The following MAD2L2 variants were observed in gnomAD, a reference collection of about 807,000 sequenced individuals.
The protein encoded by MAD2L2 is mitotic spindle assembly checkpoint protein MAD2B.
A neutral mutation model predicts 30.5 loss-of-function variants in MAD2L2; 17 were observed. That is an observed-to-expected ratio of 0.56 (90% CI 0.38 to 0.84). The LOEUF (loss-of-function observed/expected upper bound fraction) is 0.84, where lower values mean the gene tolerates loss of function less well. Ranked by LOEUF, MAD2L2 falls within the 40% of genes least tolerant of loss-of-function variation. The pLI, the probability that MAD2L2 is intolerant of heterozygous loss-of-function variation, is 0.00. For synonymous variants in MAD2L2, 101 were observed against 113.9 expected (o/e 0.89, Z 0.72); for missense variants, 213 against 277.4 (o/e 0.77, Z 1.65).
intron 7 of MAD2L2, 145 bp from the exon 8 acceptor site, chr1:11,675,319 C>T (rs993302526): frequency 6.5e-6 from 4 of 614,942 alleles, no homozygotes; most frequent in African/African-American, 3.7e-5. Context: ...ACCCCAGGAC[C>T]GCCCCCATCC....
chr1:11,689,499 G>A (rs1190167781), intron 1 of MAD2L2, among the ~76,000 whole-genome samples: 1 of 152,122 alleles, frequency 6.6e-6, no homozygotes, highest in Non-Finnish European at 1.5e-5. Flanking sequence ...GGGAGGCTGA[G>A]GCAGGAGAAT....
rs1270563871 is a variant in MAD2L2 at position 11,676,154 on chromosome 1, G to A, written c.333-14C>T. 1 of 1,564,444 alleles carries A rather than the reference G, an allele frequency of 6.4e-7. No individual in the cohort carries two copies. The highest frequency in any genetic ancestry group is 1.4e-5 in the African/African-American group (1 of 74,060). ...AGCGAGTCTGAGCTGGGAGTGAGAGGAGGTCTTCCCATCACACTGGCGCCC... is the reference window on the plus strand; with the variant it reads ...AGCGAGTCTGAGCTGGGAGTGAGAGAAGGTCTTCCCATCACACTGGCGCCC... On this transcript the variant is annotated splice_polypyrimidine_tract_variant and intron_variant, in intron 5 of 8. Transcript: ENST00000376692.
At position 11,674,930 on chromosome 1, in the gene MAD2L2, T is replaced by C; in HGVS notation, c.595-114A>G. ...CACCACAGGTGGGGCCTCGTGGCCA[T>C]AGCCATGGTGGAGAAGAGTAGAGAT... On this transcript the variant is annotated intron_variant, in intron 8 of 8. Coordinates refer to ENST00000376692, the MANE Select transcript of MAD2L2 (RefSeq NM_006341.4). This position sits in a 1 kb window ranked among gnomAD's most constrained non-coding sequence, Gnocchi z 6.1. 2.2e-6 allele frequency: 3 copies of C among 1,382,394 alleles called. No homozygotes were observed. Among genetic ancestry groups the C allele is most frequent in the African/African-American group, 1.4e-5 (1 of 70,414 alleles). 85.6% of individuals were successfully genotyped at this position (1,382,394 alleles called of 1,614,324 possible). A position where few individuals can be genotyped will look rare whatever the true frequency, so the allele number is the denominator to read the frequency against.
At position 11,689,227 on chromosome 1, in the gene MAD2L2, A is replaced by G. The variant is rs1437636270; in HGVS notation, c.-692+2186T>C. On this transcript the variant is annotated intron_variant, in intron 1 of 10. Transcript: ENST00000235310. ...CATGAATCGCTTGAACCTGGGAGGC[A>G]GAAGTTGCAGTGAGCCGAGACTGTG... Among the ~76,000 whole-genome samples, 18 of 147,896 alleles carry G rather than the reference A, an allele frequency of 1.2e-4. No homozygotes were observed. The Admixed American group carries it at 1.2e-3, about 10-fold the overall frequency.
At chr1:11,691,400 G>T (rs898147193) in intron 1 of MAD2L2, 8 of 152,046 alleles carry the variant, frequency 5.3e-5, no homozygotes, top group African/African-American at 1.7e-4. Context: ...GCGCCGAGGC[G>T]GCTCTTACGC....
At position 11,687,755 on chromosome 1, in the gene MAD2L2, G is replaced by C. The variant is rs1045356179; in HGVS notation, c.-692+3658C>G. On this transcript the variant is annotated intron_variant, in intron 1 of 10. Transcript: ENST00000235310. This position sits in a 1 kb window ranked among gnomAD's most constrained non-coding sequence, Gnocchi z 4.1. The stretch of plus-strand genomic sequence containing the variant: ...TTTTATGTCTGGCTTGTTCCACTTA[G>C]CATAATGTTTTCAAGATTCATCCAG... Among the ~76,000 whole-genome samples, 5 of 152,192 alleles carry C rather than the reference G, an allele frequency of 3.3e-5. No homozygotes were observed. The highest frequency in any genetic ancestry group is 1.2e-4 in the African/African-American group (5 of 41,442).
chr1:11,684,589 C>G (rs995265665), upstream of MAD2L2, among the ~76,000 whole-genome samples: 1 of 152,052 alleles, frequency 6.6e-6, no homozygotes, highest in African/African-American at 2.4e-5. Flanking sequence ...AAGACCTGCT[C>G]GGGCAGAGGA....
At chr1:11,686,136 A>G (rs1640952141), upstream of MAD2L2, among the ~76,000 whole-genome samples, 1 of 152,092 alleles carries the variant, frequency 6.6e-6, no homozygotes, top group African/African-American at 2.4e-5. Context: ...CCATAGCTCC[A>G]TTTCCATTTC....
intron 1 of MAD2L2, among the ~76,000 whole-genome samples, chr1:11,686,325 G>A (rs1400044472): frequency 6.6e-6 from 1 of 152,180 alleles, no homozygotes; most frequent in Non-Finnish European, 1.5e-5. Context: ...ACCTGAGATG[G>A]CTTCCGACAC....
rs568627719 is a variant in MAD2L2 at position 11,691,093 on chromosome 1, C to T, written c.-692+320G>A. On this transcript the variant is annotated intron_variant, in intron 1 of 10. Transcript: ENST00000235310. ...CATCCAGGAGCGACCTCTCGGAGAA[C>T]CCCGCCTGCCCACTCTGCGCACTTT... Among the ~76,000 whole-genome samples, 32 of 152,326 alleles carry T rather than the reference C, an allele frequency of 2.1e-4. No homozygotes were observed. In the South Asian group the frequency reaches 6.2e-3, roughly 30 times the overall value.
intron 1 of MAD2L2, 124 bp downstream of exon 1, chr1:11,680,915 C>G (rs947817195): frequency 1.9e-6 from 1 of 518,836 alleles, no homozygotes; most frequent in East Asian, 5.3e-5. Flanking sequence ...CAGCGGGATG[C>G]CCAGGGCCGG....
intron 7 of MAD2L2, among the ~76,000 whole-genome samples, chr1:11,675,411 C>T (rs1376105952): frequency 6.6e-6 from 1 of 152,198 alleles, no homozygotes; most frequent in Non-Finnish European, 1.5e-5. Context: ...TAGGACCCCT[C>T]CCTGGAGAGC....
chr1:11,677,500 T>C, intron 4 of MAD2L2, 43 bp downstream of exon 4: 1 of 1,583,362 alleles, frequency 6.3e-7, no homozygotes, highest in Non-Finnish European at 8.7e-7. Flanking sequence ...GGGACGGGGG[T>C]GAGCATGGGG....
At position 11,675,128 on chromosome 1, in the gene MAD2L2, T is replaced by C; in HGVS notation, c.548A>G (p.Asp183Gly). Residue 183 changes from aspartate (D) to glycine (G), a missense_variant, in exon 8 of 9, where the codon GAC (aspartate) becomes GGC (glycine). By Grantham distance (94) the Asp-to-Gly change is moderately conservative. Coordinates refer to ENST00000376692, the MANE Select transcript of MAD2L2 (RefSeq NM_006341.4). ...LADEQDVHMHDPRLIPLKTMT... is the reference protein window; with the variant it reads ...LADEQDVHMHGPRLIPLKTMT... ...GGTTTTTAGTGGTATCAGCCGGGGG[T>C]CATGCATGTGGACATCCTGCTCATC... 6.2e-7 allele frequency: 1 copy of C among 1,604,976 alleles called. No homozygotes were observed. Among genetic ancestry groups the C allele is most frequent in the South Asian group, 1.1e-5 (1 of 90,124 alleles).
intron 7 of MAD2L2, among the ~76,000 whole-genome samples, 196 bp from the exon 8 acceptor site, chr1:11,675,370 G>A (rs28924113): frequency 0.012 from 1,874 of 152,230 alleles, 37 homozygotes; most frequent in African/African-American, 0.043. Context: ...TGACGAACAG[G>A]CTCCAGGCAC....
exon 1 of MAD2L2, chr1:11,691,508 G>A (rs1206701277): frequency 6.6e-6 from 1 of 151,898 alleles, no homozygotes; most frequent in African/African-American, 2.4e-5. Flanking sequence ...CCCTCGCGGC[G>A]GCGGCGCCTA....
At position 11,690,856 on chromosome 1, in the gene MAD2L2, G is replaced by A. The variant is rs529107621; in HGVS notation, c.-692+557C>T. ...ATGAGCCGGCCCCAGCGCTGGCTTTGTCCGGGTTGGGCCGGTCTGAGAAGC... is the reference window on the plus strand; with the variant it reads ...ATGAGCCGGCCCCAGCGCTGGCTTTATCCGGGTTGGGCCGGTCTGAGAAGC... On this transcript the variant is annotated intron_variant, in intron 1 of 10. Transcript: ENST00000235310. The surrounding 1 kb of genome is among the most constrained non-coding windows in gnomAD (Gnocchi z 4.2). 6.6e-6 allele frequency among the ~76,000 whole-genome samples: 1 copy of A among 152,312 alleles called. No individual in the cohort carries two copies. The highest frequency in any genetic ancestry group is 1.5e-5 in the Non-Finnish European group (1 of 68,024).
intron 4 of MAD2L2, 67 bp from the exon 5 acceptor site, chr1:11,677,015 C>A (rs563582848): frequency 4.1e-6 from 5 of 1,206,856 alleles, no homozygotes; most frequent in Non-Finnish European, 6.1e-6. Context: ...CCTGCCTCCA[C>A]CCCCTTGCCC....
rs756245130 is a variant in MAD2L2 at position 11,680,622 on chromosome 1, T to C, written c.-12-9A>G. 11 of 1,553,108 alleles carry C rather than the reference T, an allele frequency of 7.1e-6. No homozygotes were observed. Among genetic ancestry groups the C allele is most frequent in the East Asian group, 6.8e-5 (3 of 44,144 alleles). ...GTCATCCTTCCCGCTACCTGAGTGT[T>C]GGGGCAAGGGCAGAGGGTAGTTCCA... On this transcript the variant is annotated splice_polypyrimidine_tract_variant and intron_variant, in intron 1 of 8. Transcript: ENST00000376692.
Sources: allele counts gnomAD v4.1 joint callset (sites outside exome capture counted in the v4.1 genomes callset), GRCh38; gene constraint gnomAD v4.1.1; non-coding constraint Gnocchi (gnomAD v3.1); transcripts MANE v1.5; gene names NCBI Gene and HGNC (gene_info 2026-07-23, HGNC 2026-07-21).